The following TJP2 variants were observed in gnomAD, a reference collection of about 807,000 sequenced individuals.
The protein encoded by TJP2 is tight junction protein 2, also known as Friedreich ataxia region gene X104 (tight junction protein ZO-2).
Under a neutral mutation model 133.1 loss-of-function variants are expected in TJP2, and 91 were observed. That is an observed-to-expected ratio of 0.68 (90% CI 0.58 to 0.81). The LOEUF is 0.81. TJP2 is among the 40% of genes least tolerant of loss of function. TJP2 has a pLI of 0.00. For missense variants in TJP2, 1,541 were observed against 1,565.6 expected, an observed-to-expected ratio of 0.98 and a Z score of 0.26; for synonymous variants, 592 against 583.4, an observed-to-expected ratio of 1.01 and a Z score of -0.21.
chr9:69,204,903 G>T, intron 1 of TJP2: 1 of 1,245,604 alleles, frequency 8.0e-7, no homozygotes, highest in Non-Finnish European at 1.0e-6. Context: ...TAGTTCCCTG[G>T]CAAGGGAGAG....
At chr9:69,149,966 G>A (rs1458698061) in intron 1 of TJP2, among the ~76,000 whole-genome samples, 2 of 151,992 alleles carry the variant, frequency 1.3e-5, no homozygotes, top group Admixed American at 6.6e-5. Flanking sequence ...CCGGGCCAAC[G>A]TGGTGAAACC....
At chr9:69,168,655 TGTG>T (rs375698592) in intron 2 of TJP2, among the ~76,000 whole-genome samples, 2,962 of 150,932 alleles carry the variant, frequency 0.02, 108 homozygotes, top group African/African-American at 0.066. Flanking sequence ...ATTAGCCAGG[TGTG>T]GTGGTGGGCG....
rs1442798426 is a variant in TJP2 at position 69,254,408 on chromosome 9, C to G, written c.*34C>G. 6.2e-7 allele frequency: 1 copy of G among 1,612,242 alleles called. No homozygotes were observed. The highest frequency in any genetic ancestry group is 8.5e-7 in the Non-Finnish European group (1 of 1,179,944). ...GCACGGACTCTCCCAGGCCTGCCTG[C>G]ATGGCATCAGACTAGCCACTCCTGC... On this transcript the variant is annotated 3_prime_UTR_variant, in exon 23 of 23. Coordinates refer to ENST00000377245, the MANE Select transcript of TJP2 (RefSeq NM_004817.4).
chr9:69,187,961 T>C (rs148155728), intron 1 of TJP2, among the ~76,000 whole-genome samples: 43 of 152,318 alleles, frequency 2.8e-4, no homozygotes, highest in African/African-American at 9.1e-4. Flanking sequence ...GCAGGAAATA[T>C]GGAGATCTTC....
chr9:69,249,507 G>A (rs763360763), intron 20 of TJP2, 22 bp downstream of exon 20: 3 of 1,584,332 alleles, frequency 1.9e-6, no homozygotes, highest in Admixed American at 3.5e-5. Context: ...GGAAGCCCAG[G>A]ATGGGAAGGA....
At chr9:69,204,734 G>A in intron 1 of TJP2, 1 of 740,842 alleles carries the variant, frequency 1.3e-6, no homozygotes, top group Non-Finnish European at 1.6e-6. Flanking sequence ...ATTTCTAGCT[G>A]GCGTGTGTGT....
chr9:69,245,066 A>G (rs899668978), intron 17 of TJP2, among the ~76,000 whole-genome samples: 7 of 152,350 alleles, frequency 4.6e-5, no homozygotes, highest in South Asian at 2.1e-4. Context: ...ATTTTTAAGT[A>G]TCATATTTTA....
At chr9:69,204,921 G>C (rs755913558) in intron 1 of TJP2, 16 of 1,246,558 alleles carry the variant, frequency 1.3e-5, no homozygotes, top group African/African-American at 1.5e-5. Context: ...GAGAGAGGGA[G>C]AGAAAGAAAG....
chr9:69,196,682 A>G (rs1433344006), intron 1 of TJP2, among the ~76,000 whole-genome samples: 2 of 152,092 alleles, frequency 1.3e-5, no homozygotes, highest in Non-Finnish European at 2.9e-5. Flanking sequence ...TTAGTACTGT[A>G]TATTCACAGA....
chr9:69,174,909 GTTTT>G (rs35641843), intron 1 of TJP2, among the ~76,000 whole-genome samples: 60,673 of 139,218 alleles, frequency 0.44, 12,866 homozygotes, highest in East Asian at 0.62. Flanking sequence ...AGTAAAAGTT[GTTTT>G]TTTTTTTTTT....
chr9:69,151,651 G>T, exon 2 of TJP2: 1 of 1,232,058 alleles, frequency 8.1e-7, no homozygotes, highest in Non-Finnish European at 1.0e-6. Flanking sequence ...TCTTTTCCAG[G>T]GTGCGAAGTA....
intron 1 of TJP2, among the ~76,000 whole-genome samples, chr9:69,143,606 A>G (rs553437492): frequency 2.1e-3 from 313 of 152,370 alleles, no homozygotes; most frequent in Non-Finnish European, 3.7e-3. Flanking sequence ...CATGAATACT[A>G]TGGAAATGAA....
intron 7 of TJP2, 121 bp downstream of exon 7, chr9:69,226,296 C>G (rs992006775): frequency 1.8e-6 from 2 of 1,127,700 alleles, no homozygotes; most frequent in Non-Finnish European, 2.6e-6. Flanking sequence ...CCCCTTGAAA[C>G]CTTAATCTCC....
At chr9:69,238,959 G>A (rs575852952) in intron 16 of TJP2, among the ~76,000 whole-genome samples, 170 bp downstream of exon 16, 7 of 151,720 alleles carry the variant, frequency 4.6e-5, no homozygotes, top group African/African-American at 1.7e-4. Context: ...AGGCTGAGGC[G>A]GGTGGATCAC....
chr9:69,161,466 A>T (rs1002293972), intron 2 of TJP2, among the ~76,000 whole-genome samples: 1 of 152,006 alleles, frequency 6.6e-6, no homozygotes, highest in African/African-American at 2.4e-5. Context: ...TGACTTCGTG[A>T]TCCATCCGCT....
exon 1 of TJP2, chr9:69,121,494 G>A: frequency 9.0e-6 from 3 of 334,852 alleles, no homozygotes; most frequent in Non-Finnish European, 1.3e-5. Context: ...GAAATAGCCC[G>A]AATCACAATA....
At chr9:69,239,355 T>C (rs1402858723) in intron 16 of TJP2, among the ~76,000 whole-genome samples, 1 of 152,028 alleles carries the variant, frequency 6.6e-6, no homozygotes, top group African/African-American at 2.4e-5. Context: ...TTTCACTGTG[T>C]GGAAACCAGT....
chr9:69,251,423 A>G (rs1395216107), intron 21 of TJP2, 59 bp downstream of exon 21: 8 of 1,547,904 alleles, frequency 5.2e-6, no homozygotes, highest in Non-Finnish European at 7.0e-6. Flanking sequence ...TGATTTCAAC[A>G]TAACAGCGAA....
At position 69,227,819 on chromosome 9, in the gene TJP2, A is replaced by G. The variant is rs144928091; in HGVS notation, c.1265A>G (p.Gln422Arg). ...TTTTCTCCAGAGGAGAGACGTCATC[A>G]GTATTCTGATTATGATTATCATTCC... is the stretch of plus-strand genomic sequence containing the variant. ...RSFSPEERRH[Q>R]YSDYDYHSSS... Residue 422 changes from glutamine (Q) to arginine (R), a missense_variant, in exon 8 of 23, where the codon CAG becomes CGG. Transcript: ENST00000377245. The G allele has an allele frequency of 2.0e-5, 33 of 1,614,086 alleles. No homozygotes were observed. The African/African-American group carries it at 3.3e-4, about 16-fold the overall frequency.
Sources: allele counts gnomAD v4.1 joint callset (sites outside exome capture counted in the v4.1 genomes callset), GRCh38; gene constraint gnomAD v4.1.1; transcripts MANE v1.5; gene names NCBI Gene and HGNC (gene_info 2026-07-23, HGNC 2026-07-21).